TYW5: variants seen among roughly 807,000 people sequenced by gnomAD.
TYW5 encodes the protein tRNA-yW synthesizing protein 5.
TYW5 carries 36 observed loss-of-function variants against 44.4 expected under a neutral mutation model. The observed-to-expected ratio is 0.81, with a 90% confidence interval of 0.62 to 1.07. The LOEUF (loss-of-function observed/expected upper bound fraction) is 1.07. Ranked by LOEUF, TYW5 falls within the 50% of genes least tolerant of loss-of-function variation. The pLI, the probability that TYW5 is intolerant of heterozygous loss-of-function variation, is 0.00. For missense variants in TYW5, 354 were observed against 365.7 expected, an observed-to-expected ratio of 0.97 and a Z score of 0.26; for synonymous variants, 121 against 128.1, an observed-to-expected ratio of 0.94 and a Z score of 0.37.
intron 7 of TYW5, among the ~76,000 whole-genome samples, chr2:199,934,837 GAACTTTATGGACTTTCA>G (rs1443013407): frequency 3.9e-5 from 6 of 151,970 alleles, no homozygotes; most frequent in African/African-American, 1.4e-4. Flanking sequence ...TTGCTGTGTT[GAACTTTATGGACTTTCA>G]AACTAATGCC....
rs146158450 is a variant in TYW5, at chr2:199,950,493, C to A, written c.79-2021G>T. On this transcript the variant is annotated intron_variant, in intron 1 of 7. Coordinates refer to ENST00000354611, the MANE Select transcript of TYW5 (RefSeq NM_001039693.3). ...AAAAAAAATCAATTCCTAGCCAGGG[C>A]CCCCCTCCGAGTAGAGTTTTTGCAT... is the stretch of plus-strand genomic sequence containing the variant. Among the ~76,000 whole-genome samples, 221 of 152,252 alleles carry A rather than the reference C, an allele frequency of 1.5e-3. 1 individual carries two copies. The highest frequency in any genetic ancestry group is 5.0e-3 in the African/African-American group (209 of 41,540).
intron 3 of TYW5, 33 bp from the exon 4 acceptor site, chr2:199,940,166 A>T (rs1210737022): frequency 6.2e-7 from 1 of 1,600,674 alleles, no homozygotes; most frequent in East Asian, 2.2e-5. Flanking sequence ...AACATCAGCA[A>T]TATTTTACTT....
chr2:199,943,227 ATTAT>A (rs2077479114), intron 3 of TYW5: 1 of 152,288 alleles, frequency 6.6e-6, no homozygotes, highest in Middle Eastern at 3.2e-3. Flanking sequence ...TTTAAATTGA[ATTAT>A]TTAAAGCTAG....
intron 7 of TYW5, among the ~76,000 whole-genome samples, chr2:199,933,960 A>G (rs1024938447): frequency 6.6e-6 from 1 of 152,096 alleles, no homozygotes; most frequent in African/African-American, 2.4e-5. Flanking sequence ...ATACCTAATT[A>G]ATTTTTTTCC....
intron 2 of TYW5, chr2:199,944,361 A>G (rs2077488620): frequency 2.0e-5 from 3 of 152,340 alleles, no homozygotes; most frequent in Admixed American, 2.0e-4. Context: ...CTGCTGCACC[A>G]CCCTCTATCA....
At chr2:199,945,829 G>GT (rs1458076867) in intron 2 of TYW5, 2 of 152,352 alleles carry the variant, frequency 1.3e-5, no homozygotes, top group East Asian at 1.9e-4. Flanking sequence ...TTTCTCCTAG[G>GT]TAATGGTACC....
At position 199,929,123 on chromosome 2, in the gene TYW5, A is replaced by C. The variant is rs1250422830; in HGVS notation, c.*3944T>G. Reference sequence around the variant, plus strand: ...AAGCCAGTTAGTGGTAGAGACAGGCAAGAGTCACCAAAAAAGGTCATTTTA... The same window carrying C: ...AAGCCAGTTAGTGGTAGAGACAGGCCAGAGTCACCAAAAAAGGTCATTTTA... On this transcript the variant is annotated 3_prime_UTR_variant, in exon 8 of 8. Coordinates refer to ENST00000354611, the MANE Select transcript of TYW5 (RefSeq NM_001039693.3). Among the ~76,000 whole-genome samples the C allele has an allele frequency of 6.6e-6, 1 of 152,168 alleles. No homozygotes were observed. Among genetic ancestry groups the C allele is most frequent in the South Asian group, 2.1e-4 (1 of 4,828 alleles).
intron 4 of TYW5, 24 bp from the exon 5 acceptor site, chr2:199,939,094 G>C: frequency 6.3e-7 from 1 of 1,575,568 alleles, no homozygotes; most frequent in Non-Finnish European, 8.6e-7. Context: ...AACATAAAAA[G>C]AAAAAATTAG....
chr2:199,953,722 AG>A (rs1300674596), intron 1 of TYW5, among the ~76,000 whole-genome samples: 4 of 152,178 alleles, frequency 2.6e-5, no homozygotes. Context: ...CATACTTTTT[AG>A]TGTTTCCAGA....
Position 199,943,776 on chromosome 2 carries a change from A to C in TYW5, c.292T>G (p.Phe98Val). ...TTAAAAGCAATTACCTCTGAAACAA[A>C]GAATTCTTTATGTTTCTCTTCAGCT... ...RAAEEKHKEFFVSEDEKYYLR... is the reference protein window; with the variant it reads ...RAAEEKHKEFVVSEDEKYYLR... The change falls in exon 3 of 8, where the codon TTT (phenylalanine) becomes GTT (valine). Residue 98 changes from phenylalanine to valine, a missense_variant. Coordinates refer to ENST00000354611, the MANE Select transcript of TYW5 (RefSeq NM_001039693.3). The C allele has an allele frequency of 1.2e-6, 2 of 1,609,804 alleles. No homozygotes were observed. The highest frequency in any genetic ancestry group is 1.7e-6 in the Non-Finnish European group (2 of 1,179,030).
At chr2:199,945,468 T>C (rs1477516503) in intron 2 of TYW5, 2 of 152,214 alleles carry the variant, frequency 1.3e-5, no homozygotes, top group South Asian at 2.1e-4. Flanking sequence ...CTCAGACCAA[T>C]GCAGAGTACT....
chr2:199,930,206 A>T lies in TYW5; in HGVS notation c.*2861T>A, dbSNP rs1461083291. 1 of 152,094 alleles carries T rather than the reference A, an allele frequency of 6.6e-6. No individual in the cohort carries two copies. The highest frequency in any genetic ancestry group is 2.4e-5 in the African/African-American group (1 of 41,392). The allele number at this position is 152,094 out of a possible 1,614,324, so 9.4% of individuals were successfully genotyped here. A position where few individuals can be genotyped will look rare whatever the true frequency, so the allele number is the denominator to read the frequency against. On this transcript the variant is annotated 3_prime_UTR_variant, in exon 8 of 8. Coordinates refer to ENST00000354611, the MANE Select transcript of TYW5 (RefSeq NM_001039693.3). ...TGCCCAGGCTGGTCTCGAACTCCTG[A>T]GTTCAGATGATCCACCCACCTCGGT...
At chr2:199,945,778 C>T (rs768354478) in intron 2 of TYW5, 1 of 152,178 alleles carries the variant, frequency 6.6e-6, no homozygotes, top group Non-Finnish European at 1.5e-5. Flanking sequence ...GACAGAGTAG[C>T]TCAGCCCAGA....
chr2:199,943,683 T>C lies in TYW5; in HGVS notation c.303+82A>G, dbSNP rs573747072. The C allele has an allele frequency of 1.7e-5, 19 of 1,097,932 alleles. No homozygotes were observed. The African/African-American group carries it at 2.6e-4, about 15-fold the overall frequency. 68.0% of individuals were successfully genotyped at this position (1,097,932 alleles called of 1,614,324 possible). A position where few individuals can be genotyped will look rare whatever the true frequency, so the allele number is the denominator to read the frequency against. The stretch of plus-strand genomic sequence containing the variant: ...CTATCAGAGACGGCTGTTGCTCTTG[T>C]GTATCTACTATTCTTTCATAAGAAA... On this transcript the variant is annotated intron_variant, in intron 3 of 7. Coordinates refer to ENST00000354611, the MANE Select transcript of TYW5 (RefSeq NM_001039693.3).
intron 7 of TYW5, among the ~76,000 whole-genome samples, chr2:199,933,662 T>C (rs1446130065): frequency 6.6e-6 from 1 of 152,222 alleles, no homozygotes; most frequent in East Asian, 1.9e-4. Context: ...TCCTGAGTCA[T>C]ACAACCACAT....
Position 199,929,850 on chromosome 2 carries a change from G to T in TYW5, c.*3217C>A, listed in dbSNP as rs1393135584. Reference sequence around the variant, plus strand: ...TGTTTAGTTTTTTTTTTTGAGACAGGTCTCCCCATGTTGCCCAGACTGAAC... The same window carrying T: ...TGTTTAGTTTTTTTTTTTGAGACAGTTCTCCCCATGTTGCCCAGACTGAAC... On this transcript the variant is annotated 3_prime_UTR_variant, in exon 8 of 8. Transcript: ENST00000354611. The T allele has an allele frequency of 2.0e-5, 3 of 151,352 alleles. No homozygotes were observed. The highest frequency in any genetic ancestry group is 7.3e-5 in the African/African-American group (3 of 41,116). The allele number at this position is 151,352 out of a possible 1,614,324, so 9.4% of individuals were successfully genotyped here.
chr2:199,945,492 T>G (rs1487747609), intron 2 of TYW5: 1 of 152,252 alleles, frequency 6.6e-6, no homozygotes, highest in Non-Finnish European at 1.5e-5. Context: ...TCTTTGACTA[T>G]AGATAGTGTC....
chr2:199,932,990 C>T lies in TYW5; in HGVS notation c.*77G>A. 1 of 1,503,590 alleles carries T rather than the reference C, an allele frequency of 6.7e-7. No homozygotes were observed. Among genetic ancestry groups the T allele is most frequent in the Non-Finnish European group, 9.0e-7 (1 of 1,116,226 alleles). 93.1% of individuals were successfully genotyped at this position (1,503,590 alleles called of 1,614,324 possible). ...TAATCTGTAAATCTGATGTATCTTT[C>T]CTATTTTAACAAAATCTTTAATTTA... On this transcript the variant is annotated 3_prime_UTR_variant, in exon 8 of 8. Transcript: ENST00000354611.
intron 5 of TYW5, among the ~76,000 whole-genome samples, chr2:199,937,182 G>A (rs774210136): frequency 3.0e-4 from 46 of 152,042 alleles, no homozygotes; most frequent in Non-Finnish European, 3.2e-4. Context: ...TAAGCACTAA[G>A]CAAGATATAT....
Sources: allele counts gnomAD v4.1 joint callset (sites outside exome capture counted in the v4.1 genomes callset), GRCh38; gene constraint gnomAD v4.1.1; transcripts MANE v1.5; gene names NCBI Gene and HGNC (gene_info 2026-07-23, HGNC 2026-07-21).